The following FRAS1 variants were observed in gnomAD, a reference collection of about 807,000 sequenced individuals.
FRAS1 encodes the protein Fraser extracellular matrix complex subunit 1.
In FRAS1, 290 loss-of-function variants were observed where a neutral mutation model predicts 435.2. The observed-to-expected ratio is 0.67, with a 90% CI of 0.61 to 0.73. FRAS1 has a LOEUF of 0.73. Among genes scored for constraint, FRAS1 ranks in the 30% least tolerant of loss-of-function variants. FRAS1 has a pLI of 0.00. For synonymous variants in FRAS1, 1,800 were observed against 1,851.0 expected (o/e 0.97, Z 0.71); for missense variants, 4,860 against 5,001.5 (o/e 0.97, Z 0.85).
chr4:78,089,818 G>A lies in FRAS1; in HGVS notation c.108+23802G>A, dbSNP rs368516902. ...AAGTTTTTTGTTACATAGAGAAATC[G>A]TGTCATGGGAGTTTGTTGTACACAT... is the stretch of plus-strand genomic sequence containing the variant. On this transcript the variant is annotated intron_variant, in intron 2 of 73. Coordinates refer to ENST00000512123, the MANE Select transcript of FRAS1 (RefSeq NM_025074.7). Among the ~76,000 whole-genome samples, 19 of 152,040 alleles carry A rather than the reference G, an allele frequency of 1.2e-4. 1 individual carries two copies. Among genetic ancestry groups the A allele is most frequent in the African/African-American group, 4.6e-4 (19 of 41,480 alleles).
chr4:78,264,281 G>T (rs369496087), intron 6 of FRAS1, among the ~76,000 whole-genome samples: 11 of 152,254 alleles, frequency 7.2e-5, no homozygotes, highest in African/African-American at 2.2e-4. Flanking sequence ...GGGAGTGGTG[G>T]TTGTGGCAGA....
At chr4:78,156,760 A>G (rs1720906347) in intron 2 of FRAS1, among the ~76,000 whole-genome samples, 1 of 152,168 alleles carries the variant, frequency 6.6e-6, no homozygotes, top group South Asian at 2.1e-4. Context: ...CACTTTGGGG[A>G]TCCGGAACAA....
At chr4:78,126,502 A>G (rs1440739871) in intron 2 of FRAS1, among the ~76,000 whole-genome samples, 1 of 152,216 alleles carries the variant, frequency 6.6e-6, no homozygotes, top group African/African-American at 2.4e-5. Context: ...TAGGAGCTGT[A>G]GACCAGAGCT....
chr4:78,465,526 C>T (rs34567325), intron 49 of FRAS1, among the ~76,000 whole-genome samples: 49,538 of 152,062 alleles, frequency 0.33, 8,797 homozygotes, highest in Admixed American at 0.41. Flanking sequence ...GGAGAATTCA[C>T]CCTTCAGACA....
chr4:78,494,997 G>A (rs1367116717), intron 59 of FRAS1, among the ~76,000 whole-genome samples: 3 of 152,118 alleles, frequency 2.0e-5, no homozygotes, highest in African/African-American at 7.2e-5. Context: ...TCTTCAAAAC[G>A]AGCATTATTC....
intron 33 of FRAS1, among the ~76,000 whole-genome samples, chr4:78,419,313 A>G (rs1578311974): frequency 6.6e-6 from 1 of 152,336 alleles, no homozygotes; most frequent in East Asian, 1.9e-4. Flanking sequence ...TGCTGGATGG[A>G]GAATGTACAT....
intron 31 of FRAS1, among the ~76,000 whole-genome samples, chr4:78,409,925 T>C (rs1733267565): frequency 6.6e-6 from 1 of 152,204 alleles, no homozygotes; most frequent in African/African-American, 2.4e-5. Context: ...AAAGATGTGC[T>C]TTTCCAGAGA....
At chr4:78,093,437 A>G (rs1007192986) in intron 2 of FRAS1, among the ~76,000 whole-genome samples, 2 of 152,228 alleles carry the variant, frequency 1.3e-5, no homozygotes, top group Admixed American at 1.3e-4. Flanking sequence ...TTGAAAAAGA[A>G]AAACAGTATT....
rs1200812444 is a variant in FRAS1, at chr4:78,537,216, A to G, written c.11298+16A>G. Reference sequence around the variant, plus strand: ...CCTGCTGTTGGTATGCTAAGTTCTCACTATTAGTGTTAAAGAGCAGACACT... The same window carrying G: ...CCTGCTGTTGGTATGCTAAGTTCTCGCTATTAGTGTTAAAGAGCAGACACT... On this transcript the variant is annotated intron_variant, in intron 72 of 73. Coordinates refer to ENST00000512123, the MANE Select transcript of FRAS1 (RefSeq NM_025074.7). 3 of 1,609,324 alleles carry G rather than the reference A, an allele frequency of 1.9e-6. No homozygotes were observed.
chr4:78,335,761 C>T (rs1431632245), intron 19 of FRAS1, among the ~76,000 whole-genome samples: 1 of 152,146 alleles, frequency 6.6e-6, no homozygotes, highest in Non-Finnish European at 1.5e-5. Context: ...TTTAACATGT[C>T]AGTCCAGTAT....
At chr4:78,285,573 C>T (rs1727549586) in intron 13 of FRAS1, among the ~76,000 whole-genome samples, 1 of 151,648 alleles carries the variant, frequency 6.6e-6, no homozygotes, top group African/African-American at 2.4e-5. Context: ...GCTGAGATTA[C>T]AGGCATCTGC....
chr4:78,238,702 T>C (rs940561765), intron 3 of FRAS1, among the ~76,000 whole-genome samples: 3 of 152,218 alleles, frequency 2.0e-5, no homozygotes, highest in African/African-American at 7.2e-5. Flanking sequence ...TTTGGCTTGC[T>C]AAGCAAGTCA....
intron 2 of FRAS1, among the ~76,000 whole-genome samples, chr4:78,174,648 A>T (rs1721689677): frequency 6.6e-6 from 1 of 152,220 alleles, no homozygotes; most frequent in Non-Finnish European, 1.5e-5. Flanking sequence ...GCTGACTAGC[A>T]CTGGTCATCT....
At chr4:78,512,413 G>T (rs571706749) in intron 64 of FRAS1, among the ~76,000 whole-genome samples, 1 of 152,010 alleles carries the variant, frequency 6.6e-6, no homozygotes, top group African/African-American at 2.4e-5. Context: ...CACTTCCAGG[G>T]TTCTGATTCT....
intron 2 of FRAS1, chr4:78,182,075 C>T (rs1477821509): frequency 6.7e-6 from 10 of 1,494,934 alleles, no homozygotes; most frequent in Middle Eastern, 2.3e-4. Context: ...GGTTCCTCTA[C>T]GGATTGCAGC....
chr4:78,359,764 C>T (rs1731005138), intron 20 of FRAS1, among the ~76,000 whole-genome samples: 1 of 152,138 alleles, frequency 6.6e-6, no homozygotes, highest in African/African-American at 2.4e-5. Context: ...GAACTATAAA[C>T]TAACTTGGAT....
At chr4:78,144,451 AGTGTGTGTGT>A (rs144059150) in intron 2 of FRAS1, among the ~76,000 whole-genome samples, 16 of 146,586 alleles carry the variant, frequency 1.1e-4, no homozygotes, top group African/African-American at 3.7e-4. Flanking sequence ...TTTTAAAATA[AGTGTGTGTGT>A]GTGTGTGTGT....
At chr4:78,232,064 A>G (rs1044971500) in intron 2 of FRAS1, among the ~76,000 whole-genome samples, 1 of 152,172 alleles carries the variant, frequency 6.6e-6, no homozygotes, top group African/African-American at 2.4e-5. Flanking sequence ...TTAGTTTACA[A>G]TGTTATTACT....
At chr4:78,123,133 C>G (rs1719124930) in intron 2 of FRAS1, among the ~76,000 whole-genome samples, 2 of 152,134 alleles carry the variant, frequency 1.3e-5, no homozygotes, top group Non-Finnish European at 2.9e-5. Context: ...GTCTTTGATC[C>G]ATGTTCAGTT....
Sources: allele counts gnomAD v4.1 joint callset (sites outside exome capture counted in the v4.1 genomes callset), GRCh38; gene constraint gnomAD v4.1.1; transcripts MANE v1.5; gene names NCBI Gene and HGNC (gene_info 2026-07-23, HGNC 2026-07-21).